GAB1: variants seen among roughly 807,000 people sequenced by gnomAD.
GAB1 encodes GRB2 associated binding protein 1.
A neutral mutation model predicts 66.5 loss-of-function variants in GAB1; 19 were observed. The ratio of observed to expected loss-of-function variants is 0.29; its 90% CI spans 0.20 to 0.42. The LOEUF (loss-of-function observed/expected upper bound fraction) is 0.42, where lower values mean the gene tolerates loss of function less well. Ranked by LOEUF, GAB1 falls within the 10% of genes least tolerant of loss-of-function variation. GAB1 has a pLI of 1.00. For missense variants in GAB1, 732 were observed against 858.5 expected (o/e 0.85, Z 1.84); for synonymous variants, 294 against 301.4 (o/e 0.98, Z 0.25).
intron 2 of GAB1, among the ~76,000 whole-genome samples, chr4:143,431,577 A>G (rs948632458): frequency 2.0e-5 from 3 of 152,246 alleles, no homozygotes; most frequent in African/African-American, 7.2e-5. Context: ...CTAAAGGCTC[A>G]GAGAAAGGAA....
intron 1 of GAB1, among the ~76,000 whole-genome samples, chr4:143,368,088 A>G (rs918061337): frequency 1.6e-4 from 24 of 152,244 alleles, no homozygotes; most frequent in Admixed American, 5.9e-4. Flanking sequence ...GCAGAGTGGA[A>G]AGGACTTTGA....
chr4:143,449,912 C>T (rs1043910227), intron 6 of GAB1, among the ~76,000 whole-genome samples: 6 of 151,506 alleles, frequency 4.0e-5, no homozygotes, highest in Non-Finnish European at 8.8e-5. Context: ...TTGGCATGAA[C>T]CACTTTGCAC....
intron 1 of GAB1, chr4:143,349,792 G>C: frequency 6.3e-7 from 1 of 1,589,752 alleles, no homozygotes; most frequent in Non-Finnish European, 8.5e-7. Context: ...CTTGAACCTC[G>C]TGCGCTGGCC....
At chr4:143,416,652 T>C (rs1188536856) in intron 2 of GAB1, among the ~76,000 whole-genome samples, 1 of 151,872 alleles carries the variant, frequency 6.6e-6, no homozygotes, top group African/African-American at 2.4e-5. Flanking sequence ...CACACGCCTG[T>C]AGTTCCAGCT....
At chr4:143,445,287 T>G (rs1734448880) in intron 6 of GAB1, among the ~76,000 whole-genome samples, 1 of 152,222 alleles carries the variant, frequency 6.6e-6, no homozygotes, top group South Asian at 2.1e-4. Context: ...ATAGCTGTTT[T>G]GACTAGTGTG....
intron 1 of GAB1, among the ~76,000 whole-genome samples, chr4:143,396,857 G>A (rs965898868): frequency 6.6e-6 from 1 of 152,172 alleles, no homozygotes; most frequent in Non-Finnish European, 1.5e-5. Flanking sequence ...ACTCAAGGGT[G>A]CAGTGGTCAG....
At chr4:143,468,085 G>A (rs972115830) in intron 9 of GAB1, among the ~76,000 whole-genome samples, 1 of 152,048 alleles carries the variant, frequency 6.6e-6, no homozygotes, top group Non-Finnish European at 1.5e-5. Context: ...TGTTCTCAGA[G>A]GTTGAGAGAC....
chr4:143,464,761 A>G (rs900058695), intron 8 of GAB1, among the ~76,000 whole-genome samples: 2 of 152,220 alleles, frequency 1.3e-5, no homozygotes, highest in African/African-American at 2.4e-5. Flanking sequence ...ATAATTTGCA[A>G]AAAGGTTCCA....
intron 1 of GAB1, among the ~76,000 whole-genome samples, chr4:143,381,488 G>A (rs1051137130): frequency 1.3e-5 from 2 of 152,166 alleles, no homozygotes; most frequent in African/African-American, 2.4e-5. Flanking sequence ...GCCAGTGTTC[G>A]GGTCTACTAA....
At chr4:143,337,352 G>A (rs1472122832) in intron 1 of GAB1, 92 bp downstream of exon 1, 2 of 1,097,610 alleles carry the variant, frequency 1.8e-6, no homozygotes, top group Non-Finnish European at 2.7e-6. Context: ...CCGCGCGCGG[G>A]GCTGGTTCTT....
chr4:143,362,410 A>G (rs1729699348), intron 1 of GAB1, among the ~76,000 whole-genome samples: 1 of 152,192 alleles, frequency 6.6e-6, no homozygotes, highest in Non-Finnish European at 1.5e-5. Context: ...TTATTAAGAA[A>G]GTAAAGGAAT....
chr4:143,459,305 A>G (rs971289166), intron 6 of GAB1, 80 bp from the exon 7 acceptor site: 10 of 821,928 alleles, frequency 1.2e-5, no homozygotes, highest in African/African-American at 1.2e-4. Context: ...TCAAATATAA[A>G]TAGAGTTACA....
intron 7 of GAB1, 150 bp from the exon 8 acceptor site, chr4:143,460,214 A>G: frequency 1.6e-6 from 1 of 640,816 alleles, no homozygotes; most frequent in East Asian, 2.9e-5. Context: ...GTACACAAAA[A>G]TTACATCATT....
intron 8 of GAB1, 135 bp from the exon 9 acceptor site, chr4:143,465,968 A>G: frequency 1.2e-6 from 1 of 864,166 alleles, no homozygotes; most frequent in Non-Finnish European, 1.8e-6. Flanking sequence ...TTTTCTTTCT[A>G]TCCTAAAAGG....
rs1258686573 is a variant in GAB1 at position 143,370,097 on chromosome 4, A to G, written c.72+32837A>G. Among the ~76,000 whole-genome samples, 3 of 152,210 alleles carry G rather than the reference A, an allele frequency of 2.0e-5. No individual in the cohort carries two copies. The East Asian group carries it at 5.8e-4, about 29-fold the overall frequency. On this transcript the variant is annotated intron_variant, in intron 1 of 9. Transcript: ENST00000262994. ...TGGTGGGAGGCGGATGGCACACACA[A>G]GTTGGATAATTTGGGGAACATTTCA...
At chr4:143,365,165 T>C (rs952672975) in intron 1 of GAB1, among the ~76,000 whole-genome samples, 2 of 152,052 alleles carry the variant, frequency 1.3e-5, no homozygotes, top group African/African-American at 2.4e-5. Context: ...GCGTGAGCCA[T>C]CGCGCCCGGC....
chr4:143,368,816 T>C (rs1729993313), intron 1 of GAB1, among the ~76,000 whole-genome samples: 3 of 152,152 alleles, frequency 2.0e-5, no homozygotes, highest in African/African-American at 7.2e-5. Flanking sequence ...CTTTTTTTTC[T>C]TTTTGAGATA....
At chr4:143,408,438 GTGTGTTTGTATAAACACACAGTTTGTGC>G (rs1302223060) in intron 1 of GAB1, among the ~76,000 whole-genome samples, 1 of 152,120 alleles carries the variant, frequency 6.6e-6, no homozygotes, top group Admixed American at 6.5e-5. Context: ...TAAACATAGT[GTGTGTTTGTATAAACACACAGTTTGTGC>G]TGTGTTTGTA....
rs1418842977 is a variant in GAB1, at chr4:143,459,455, C to G, written c.1656C>G (p.Pro552=). Residue 552 remains proline (P), a synonymous_variant, in exon 7 of 10, where the codon CCC becomes CCG. Coordinates refer to ENST00000262994, the MANE Select transcript of GAB1 (RefSeq NM_002039.4). ...AATTACAAGCCCCAGTTAGATCTCC[C>G]ATCACTAGGAGTTTTGCTCGAGAGT... ...WEELQAPVRS[P]ITRSFARDSS... 6.3e-7 allele frequency: 1 copy of G among 1,596,868 alleles called. No individual in the cohort carries two copies. The highest frequency in any genetic ancestry group is 8.6e-7 in the Non-Finnish European group (1 of 1,164,488).
Sources: gnomAD v4.1 joint callset for allele counts (sites outside exome capture counted in the v4.1 genomes callset) on GRCh38, gnomAD v4.1.1 for gene constraint, MANE v1.5 for transcripts, NCBI Gene and HGNC (gene_info 2026-07-23, HGNC 2026-07-21) for gene names.